Variants in UQCRC2 observed in about 807,000 individuals in gnomAD.
UQCRC2 encodes ubiquinol-cytochrome c reductase core protein 2.
UQCRC2 carries 49 observed loss-of-function variants against 55.6 expected under a neutral mutation model. The ratio of observed to expected loss-of-function variants is 0.88; its 90% CI spans 0.70 to 1.12. UQCRC2 has a LOEUF of 1.12. UQCRC2 is among the 50% of genes most tolerant of loss of function. The pLI, the probability that UQCRC2 is intolerant of heterozygous loss-of-function variation, is 0.00. For missense variants in UQCRC2, 506 were observed against 547.8 expected, an observed-to-expected ratio of 0.92 and a Z score of 0.76; for synonymous variants, 193 against 192.0, an observed-to-expected ratio of 1.01 and a Z score of -0.04.
At chr16:21,974,620 T>C (rs193144676) in intron 11 of UQCRC2, among the ~76,000 whole-genome samples, 1 of 152,112 alleles carries the variant, frequency 6.6e-6, no homozygotes, top group Non-Finnish European at 1.5e-5. Flanking sequence ...AAGGAATGAA[T>C]GACAAGTAAG....
At chr16:21,982,963 C>CAA (rs1036084484) in intron 13 of UQCRC2, 125 bp from the exon 14 acceptor site, 2,224 of 535,166 alleles carry the variant, frequency 4.2e-3, no homozygotes, top group African/African-American at 8.0e-3. Flanking sequence ...GACTCCACCT[C>CAA]AAAAAAAAAA....
At chr16:21,955,379 G>C (rs1440176723) in intron 1 of UQCRC2, among the ~76,000 whole-genome samples, 1 of 152,146 alleles carries the variant, frequency 6.6e-6, no homozygotes, top group Non-Finnish European at 1.5e-5. Flanking sequence ...ACAGCCTTCT[G>C]GACAGCACAG....
At chr16:21,979,828 C>A (rs1197936393) in intron 12 of UQCRC2, among the ~76,000 whole-genome samples, 2 of 152,122 alleles carry the variant, frequency 1.3e-5, no homozygotes, top group Non-Finnish European at 2.9e-5. Context: ...CCCTAATAAT[C>A]TTAACGGGAC....
At chr16:21,967,283 T>G (rs1403178177) in intron 7 of UQCRC2, among the ~76,000 whole-genome samples, 1 of 152,186 alleles carries the variant, frequency 6.6e-6, no homozygotes, top group Non-Finnish European at 1.5e-5. Flanking sequence ...GATTAAAAGT[T>G]CAGTTTCATT....
chr16:21,974,089 A>G, intron 11 of UQCRC2, 113 bp downstream of exon 11: 2 of 904,898 alleles, frequency 2.2e-6, no homozygotes, highest in South Asian at 3.2e-5. Flanking sequence ...ATGACTTATC[A>G]GAGCTCTGTA....
At chr16:21,970,973 T>C (rs1898445728) in intron 8 of UQCRC2, among the ~76,000 whole-genome samples, 1 of 152,178 alleles carries the variant, frequency 6.6e-6, no homozygotes, top group African/African-American at 2.4e-5. Context: ...TTATATATTT[T>C]GGTTACTCAA....
In UQCRC2 at chr16:21,957,469, C is replaced by G. The variant is rs1457357172; in HGVS notation, c.170C>G (p.Pro57Arg). ...LVIASLENYS[P>R]VSRIGLFIKA... ...ATTGCTTCTTTGGAAAACTATTCTCCTGTATCAAGAATTGGTTTGTTCATT... is the reference window on the plus strand; with the variant it reads ...ATTGCTTCTTTGGAAAACTATTCTCGTGTATCAAGAATTGGTTTGTTCATT... The change falls in exon 3 of 14, where the codon CCT becomes CGT. Residue 57 changes from proline to arginine, a missense_variant. Pro to Arg is a moderately radical substitution (Grantham distance 103). Transcript: ENST00000268379. 6.2e-7 allele frequency: 1 copy of G among 1,614,096 alleles called. No homozygotes were observed. The highest frequency in any genetic ancestry group is 2.2e-5 in the East Asian group (1 of 44,874).
intron 9 of UQCRC2, 142 bp downstream of exon 9, chr16:21,971,762 G>T: frequency 7.6e-7 from 1 of 1,321,510 alleles, no homozygotes; most frequent in Non-Finnish European, 1.1e-6. Flanking sequence ...TGTATTTTGA[G>T]CATATGTTTT....
chr16:21,954,223 A>G (rs2141923795), intron 1 of UQCRC2, among the ~76,000 whole-genome samples: 1 of 152,282 alleles, frequency 6.6e-6, no homozygotes, highest in South Asian at 2.1e-4. Flanking sequence ...AGTTGCAACA[A>G]CTTGTAAGGA....
At chr16:21,971,120 A>C (rs182741294) in intron 8 of UQCRC2, among the ~76,000 whole-genome samples, 2 of 152,260 alleles carry the variant, frequency 1.3e-5, no homozygotes, top group Admixed American at 1.3e-4. Context: ...GCTAGCGTCC[A>C]TTAGGAGGGG....
intron 11 of UQCRC2, among the ~76,000 whole-genome samples, chr16:21,975,578 C>G (rs1174696003): frequency 6.6e-6 from 1 of 152,096 alleles, no homozygotes; most frequent in Non-Finnish European, 1.5e-5. Flanking sequence ...ACCCACATCC[C>G]CGGAACTTTA....
intron 9 of UQCRC2, 122 bp from the exon 10 acceptor site, chr16:21,971,801 G>A: frequency 7.0e-7 from 1 of 1,422,680 alleles, no homozygotes; most frequent in Non-Finnish European, 9.7e-7. Flanking sequence ...GATGGCATGG[G>A]GAAAGCACCG....
chr16:21,961,380 C>T (rs1457782819), intron 4 of UQCRC2: 10 of 426,138 alleles, frequency 2.3e-5, no homozygotes, highest in Admixed American at 5.0e-5. Context: ...ACAGCCATTA[C>T]GGAATGAACT....
intron 12 of UQCRC2, chr16:21,976,881 C>G (rs556778483): frequency 6.6e-6 from 1 of 152,114 alleles, no homozygotes; most frequent in Non-Finnish European, 1.5e-5. Flanking sequence ...AAAATTTAAA[C>G]AATATTCATT....
chr16:21,968,709 T>C (rs371218885), intron 8 of UQCRC2, 24 bp downstream of exon 8: 1 of 1,592,970 alleles, frequency 6.3e-7, no homozygotes, highest in Middle Eastern at 1.7e-4. Context: ...ATTGCCTGCC[T>C]GTCAGTTTGC....
At position 21,980,527 on chromosome 16, in the gene UQCRC2, T is replaced by C. The variant is rs1180192994; in HGVS notation, c.1125-20T>C. The C allele has an allele frequency of 1.2e-6, 2 of 1,607,564 alleles. No individual in the cohort carries two copies. Among genetic ancestry groups the C allele is most frequent in the Admixed American group, 3.4e-5 (2 of 58,664 alleles). ...AATTGCCTTGCTCTCTAAAACTGAC[T>C]TCTGCCTTTTATTGGACAGGAACAA... On this transcript the variant is annotated intron_variant, in intron 12 of 13. Transcript: ENST00000268379.
chr16:21,963,748 C>T (rs566151585), intron 6 of UQCRC2, among the ~76,000 whole-genome samples: 62 of 152,186 alleles, frequency 4.1e-4, no homozygotes, highest in Non-Finnish European at 7.4e-4. Context: ...GGATTACAGG[C>T]GTGAGCCACT....
intron 12 of UQCRC2, among the ~76,000 whole-genome samples, chr16:21,978,413 A>C (rs1423460515): frequency 6.6e-6 from 1 of 152,212 alleles, no homozygotes; most frequent in Non-Finnish European, 1.5e-5. Context: ...ATAAGTAATA[A>C]GTTTCTGGGA....
intron 9 of UQCRC2, 73 bp from the exon 10 acceptor site, chr16:21,971,850 G>A: frequency 1.3e-6 from 2 of 1,596,578 alleles, no homozygotes; most frequent in South Asian, 2.2e-5. Flanking sequence ...CTGTGTTGTA[G>A]GAAATACTGG....
Sources: allele counts gnomAD v4.1 joint callset (sites outside exome capture counted in the v4.1 genomes callset), GRCh38; gene constraint gnomAD v4.1.1; transcripts MANE v1.5; gene names NCBI Gene and HGNC (gene_info 2026-07-23, HGNC 2026-07-21).